DRC10: variants seen among roughly 807,000 people sequenced by gnomAD.
The protein encoded by DRC10 is IQ domain-containing protein D.
At chr12:113,206,546 CTT>C in the DRC10 span, among the ~76,000 whole-genome samples, 1 of 152,128 alleles carries the variant, frequency 6.6e-6, no homozygotes, top group Non-Finnish European at 1.5e-5. Flanking sequence ...GACCCCGTCT[CTT>C]TTGTTCATGT....
the DRC10 span, among the ~76,000 whole-genome samples, chr12:113,211,866 G>A: frequency 9.9e-4 from 150 of 151,998 alleles, no homozygotes; most frequent in African/African-American, 3.4e-3. Flanking sequence ...AGGAGTTCAA[G>A]ATCAGCATGG....
At chr12:113,212,036 G>A in the DRC10 span, among the ~76,000 whole-genome samples, 2 of 151,658 alleles carry the variant, frequency 1.3e-5, no homozygotes, top group East Asian at 3.9e-4. Flanking sequence ...CTGCACTCCA[G>A]CCTGGGTGAC....
At chr12:113,200,343 A>G in the DRC10 span, 1 of 672,974 alleles carries the variant, frequency 1.5e-6, no homozygotes, top group Admixed American at 2.1e-5. Context: ...ACAGGATCCC[A>G]GTTTGTCCCC....
At chr12:113,218,799 T>G in the DRC10 span, among the ~76,000 whole-genome samples, 1 of 152,200 alleles carries the variant, frequency 6.6e-6, no homozygotes, top group Non-Finnish European at 1.5e-5. Flanking sequence ...CAATTATTAG[T>G]ATTTCATTCC....
At chr12:113,218,286 G>A in the DRC10 span, among the ~76,000 whole-genome samples, 4 of 151,734 alleles carry the variant, frequency 2.6e-5, no homozygotes, top group Non-Finnish European at 4.4e-5. Flanking sequence ...ACAGGCATGC[G>A]CCACCACGCG....
the DRC10 span, among the ~76,000 whole-genome samples, chr12:113,197,800 G>A: frequency 6.6e-6 from 1 of 152,234 alleles, no homozygotes; most frequent in African/African-American, 2.4e-5. Context: ...CTTGCCCAAG[G>A]TGACAGAGCT....
chr12:113,209,679 G>A, the DRC10 span, among the ~76,000 whole-genome samples: 5 of 152,152 alleles, frequency 3.3e-5, no homozygotes, highest in Admixed American at 1.3e-4. Context: ...CCACCGTGCC[G>A]GGCCTAATTT....
At chr12:113,196,758 A>G in the DRC10 span, among the ~76,000 whole-genome samples, 1 of 152,154 alleles carries the variant, frequency 6.6e-6, no homozygotes, top group Admixed American at 6.5e-5. Context: ...ATGGGCCACC[A>G]ATGTTATCCC....
At chr12:113,208,235 C>A in the DRC10 span, 1 of 1,522,222 alleles carries the variant, frequency 6.6e-7, no homozygotes, top group Non-Finnish European at 8.8e-7. Flanking sequence ...ACTTGGGTCT[C>A]GTGCTTTTAT....
chr12:113,201,837 C>G, the DRC10 span, among the ~76,000 whole-genome samples: 1 of 152,194 alleles, frequency 6.6e-6, no homozygotes, highest in African/African-American at 2.4e-5. Context: ...TTGGGGCAAG[C>G]CCATCCTGCA....
At chr12:113,198,940 T>C in the DRC10 span, among the ~76,000 whole-genome samples, 3 of 121,262 alleles carry the variant, frequency 2.5e-5, no homozygotes, top group Non-Finnish European at 5.3e-5. Flanking sequence ...AAAATGATAC[T>C]TTTTTTTTTT....
chr12:113,204,348 C>G, the DRC10 span, among the ~76,000 whole-genome samples: 2 of 152,246 alleles, frequency 1.3e-5, no homozygotes, highest in African/African-American at 4.8e-5. Flanking sequence ...CTCTAGCTCA[C>G]TGGCATTCTC....
At chr12:113,202,288 TATGTTATCCACAAAGTCAGGTGA>T in the DRC10 span, among the ~76,000 whole-genome samples, 26 of 152,226 alleles carry the variant, frequency 1.7e-4, no homozygotes, top group African/African-American at 3.6e-4. Flanking sequence ...CACACACACA[TATGTTATCCACAAAGTCAGGTGA>T]ATGTTATCCA....
chr12:113,195,719 C>T, the DRC10 span: 1 of 1,613,740 alleles, frequency 6.2e-7, no homozygotes, highest in African/African-American at 1.3e-5. Context: ...GCGTGGCCGC[C>T]CGTACCATGC....
chr12:113,200,520 T>TA, the DRC10 span: 53 of 991,394 alleles, frequency 5.3e-5, no homozygotes, highest in East Asian at 2.1e-4. Context: ...GATGGAACAG[T>TA]CCCACCCATC....
chr12:113,195,869 G>A, the DRC10 span: 8 of 1,610,064 alleles, frequency 5.0e-6, no homozygotes, highest in African/African-American at 1.3e-5. Context: ...TGTGAACAGC[G>A]TCCAGATCCT....
the DRC10 span, among the ~76,000 whole-genome samples, chr12:113,197,088 G>C: frequency 6.6e-6 from 1 of 152,162 alleles, no homozygotes; most frequent in Non-Finnish European, 1.5e-5. Flanking sequence ...CCTTGTAGGG[G>C]TGCTGGCAGG....
At chr12:113,212,583 A>C in the DRC10 span, among the ~76,000 whole-genome samples, 1 of 152,244 alleles carries the variant, frequency 6.6e-6, no homozygotes, top group African/African-American at 2.4e-5. Flanking sequence ...GCAACGTTAC[A>C]TGAAATGTTT....
At chr12:113,211,231 G>A in the DRC10 span, among the ~76,000 whole-genome samples, 5 of 152,136 alleles carry the variant, frequency 3.3e-5, no homozygotes, top group Non-Finnish European at 5.9e-5. Flanking sequence ...ACAGGCACGT[G>A]CCACCATTCC....
Sources: allele counts gnomAD v4.1 joint callset (sites outside exome capture counted in the v4.1 genomes callset), GRCh38; gene constraint gnomAD v4.1.1; transcripts MANE v1.5; gene names NCBI Gene and HGNC (gene_info 2026-07-23, HGNC 2026-07-21).